Variants in PDE1C observed in about 807,000 individuals in gnomAD.
PDE1C encodes dual specificity calcium/calmodulin-dependent 3',5'-cyclic nucleotide phosphodiesterase 1C.
In PDE1C, 62 loss-of-function variants were observed where a neutral mutation model predicts 93.1. The ratio of observed to expected loss-of-function variants is 0.67; its 90% CI spans 0.54 to 0.82. PDE1C has a LOEUF of 0.82. PDE1C is among the 40% of genes least tolerant of loss of function. PDE1C has a pLI of 0.00. For missense variants in PDE1C, 742 were observed against 884.6 expected (o/e 0.84, Z 2.04); for synonymous variants, 325 against 310.1 (o/e 1.05, Z -0.50).
Position 31,808,906 on chromosome 7 carries a change from G to A in PDE1C, c.1891+125C>T, listed in dbSNP as rs184310624. 360 of 583,336 alleles carry A rather than the reference G, an allele frequency of 6.2e-4. 1 individual carries two copies. Among genetic ancestry groups the A allele is most frequent in the African/African-American group, 5.9e-3 (313 of 53,246 alleles). The allele number at this position is 583,336 out of a possible 1,614,324, so 36.1% of individuals were successfully genotyped here. On this transcript the variant is annotated intron_variant, in intron 16 of 17. Transcript: ENST00000396191. Reference sequence around the variant, plus strand: ...GATAATAGTACCCTTTAAATATAGTGAAGGGTTTTTTTCAGGATATAAGAA... The same window carrying A: ...GATAATAGTACCCTTTAAATATAGTAAAGGGTTTTTTTCAGGATATAAGAA...
intron 1 of PDE1C, among the ~76,000 whole-genome samples, chr7:32,316,390 A>C (rs1783173622): frequency 6.6e-6 from 1 of 152,180 alleles, no homozygotes; most frequent in Non-Finnish European, 1.5e-5. Context: ...CTCTTTGCAA[A>C]AGGGTCTTCA....
At chr7:31,867,685 C>G (rs1250138614) in intron 6 of PDE1C, among the ~76,000 whole-genome samples, 1 of 152,222 alleles carries the variant, frequency 6.6e-6, no homozygotes, top group African/African-American at 2.4e-5. Context: ...ACTTGGCCCA[C>G]TGCTGCCACC....
At chr7:31,993,203 T>C (rs988184639) in intron 2 of PDE1C, among the ~76,000 whole-genome samples, 2 of 152,226 alleles carry the variant, frequency 1.3e-5, no homozygotes, top group Non-Finnish European at 2.9e-5. Flanking sequence ...AGAATAGCTG[T>C]GACTTTCCTC....
At chr7:32,188,046 A>G (rs1803995870) in intron 2 of PDE1C, among the ~76,000 whole-genome samples, 1 of 152,210 alleles carries the variant, frequency 6.6e-6, no homozygotes, top group African/African-American at 2.4e-5. Context: ...CAACTTAGGT[A>G]TAGATTTATT....
chr7:31,693,324 C>T, the PDE1C span, among the ~76,000 whole-genome samples: 1 of 152,194 alleles, frequency 6.6e-6, no homozygotes, highest in African/African-American at 2.4e-5. Context: ...GCAGGCAGTA[C>T]CCATTCAGAG....
intron 1 of PDE1C, among the ~76,000 whole-genome samples, chr7:32,240,028 T>C (rs1808425453): frequency 6.6e-6 from 1 of 152,198 alleles, no homozygotes; most frequent in Admixed American, 6.5e-5. Context: ...TGCCACCCCA[T>C]GTATAGGCAT....
chr7:31,667,284 C>A, the PDE1C span, among the ~76,000 whole-genome samples: 2 of 152,114 alleles, frequency 1.3e-5, no homozygotes, highest in Non-Finnish European at 1.5e-5. Flanking sequence ...GAGTCTTTAA[C>A]CCTAGCTTAA....
intron 1 of PDE1C, among the ~76,000 whole-genome samples, chr7:32,327,605 A>G (rs891140428): frequency 3.3e-5 from 5 of 152,146 alleles, no homozygotes; most frequent in Admixed American, 2.6e-4. Flanking sequence ...TGTCTCTACT[A>G]AAAATACAAA....
intron 1 of PDE1C, among the ~76,000 whole-genome samples, chr7:32,422,809 A>G (rs1359051511): frequency 6.6e-6 from 1 of 152,228 alleles, no homozygotes; most frequent in Non-Finnish European, 1.5e-5. Context: ...GTAAAGGATC[A>G]TAAGTATCCT....
chr7:31,950,670 A>C (rs1807244302), intron 2 of PDE1C, among the ~76,000 whole-genome samples: 2 of 152,212 alleles, frequency 1.3e-5, no homozygotes, highest in South Asian at 4.1e-4. Flanking sequence ...CATTAATTTA[A>C]GTAAACCGTT....
At chr7:31,733,659 T>C in the PDE1C span, among the ~76,000 whole-genome samples, 1 of 152,166 alleles carries the variant, frequency 6.6e-6, no homozygotes, top group Non-Finnish European at 1.5e-5. Context: ...TTACATGCCT[T>C]CATCTCTTTT....
At chr7:32,011,404 G>A (rs1485624056) in intron 2 of PDE1C, among the ~76,000 whole-genome samples, 1 of 152,090 alleles carries the variant, frequency 6.6e-6, no homozygotes, top group Non-Finnish European at 1.5e-5. Flanking sequence ...GTGTTAGCCA[G>A]GATGGTCTCG....
chr7:31,909,371 G>C (rs1489066361), intron 2 of PDE1C, among the ~76,000 whole-genome samples: 1 of 152,144 alleles, frequency 6.6e-6, no homozygotes, highest in Non-Finnish European at 1.5e-5. Context: ...ATAGGTGCTT[G>C]ACAAACGCCT....
intron 1 of PDE1C, among the ~76,000 whole-genome samples, chr7:32,059,960 G>C (rs78477769): frequency 0.018 from 2,755 of 152,202 alleles, 91 homozygotes; most frequent in African/African-American, 0.062. Context: ...CAATTTTTAC[G>C]ACCTTCTTCC....
In PDE1C at chr7:32,415,452, AAAAT is replaced by A. The variant is rs1344040902; in HGVS notation, c.310+12366_310+12369del. Among the ~76,000 whole-genome samples, 6 of 152,330 alleles carry A rather than the reference AAAAT, an allele frequency of 3.9e-5. No homozygotes were observed. In the East Asian group the frequency reaches 1.2e-3, roughly 29 times the overall value. On this transcript the variant is annotated intron_variant, in intron 1 of 1. Coordinates refer to the PDE1C transcript ENST00000672256. Reference sequence around the variant, plus strand: ...GGCAACAGAGCAAGACTCCGTCTCAAAAATAAATAAATAAATAATGTTTTTTAAA... The same window carrying A: ...GGCAACAGAGCAAGACTCCGTCTCAAAAATAAATAAATAATGTTTTTTAAA...
chr7:31,886,844 C>CA (rs1562972544), intron 2 of PDE1C, among the ~76,000 whole-genome samples: 69 of 130,732 alleles, frequency 5.3e-4, no homozygotes, highest in African/African-American at 1.9e-3. Context: ...TAGATCTTTT[C>CA]GGATCTTTTC....
chr7:32,245,968 C>CTTTTTTTT (rs369247468), intron 1 of PDE1C, among the ~76,000 whole-genome samples: 1 of 94,850 alleles, frequency 1.1e-5, no homozygotes, highest in East Asian at 3.0e-4. Context: ...TTTTTCTTTT[C>CTTTTTTTT]TTTTTTTTTT....
intron 1 of PDE1C, among the ~76,000 whole-genome samples, chr7:32,210,966 G>A (rs1171350554): frequency 2.6e-5 from 4 of 152,114 alleles, no homozygotes; most frequent in Non-Finnish European, 2.9e-5. Context: ...CCTGTAGTCC[G>A]GCACTTTGGG....
intron 11 of PDE1C, among the ~76,000 whole-genome samples, chr7:31,836,309 A>G (rs1179573266): frequency 6.6e-6 from 1 of 151,190 alleles, no homozygotes; most frequent in Non-Finnish European, 1.5e-5. Context: ...TTTTTAAACA[A>G]TTTATAATAA....
Sources: gnomAD v4.1 joint callset for allele counts (sites outside exome capture counted in the v4.1 genomes callset) on GRCh38, gnomAD v4.1.1 for gene constraint, MANE v1.5 for transcripts, NCBI Gene and HGNC (gene_info 2026-07-23, HGNC 2026-07-21) for gene names.